The following PRPF6 variants were observed in gnomAD, a reference collection of about 807,000 sequenced individuals.
The protein encoded by PRPF6 is pre-mRNA processing factor 6, also known as pre-mRNA-processing factor 6.
A neutral mutation model predicts 118.3 loss-of-function variants in PRPF6; 42 were observed. That is an observed-to-expected ratio of 0.35 (90% confidence interval 0.28 to 0.46). PRPF6 has a LOEUF of 0.46. PRPF6 is among the 20% of genes least tolerant of loss of function. The pLI is 1.00. For missense variants in PRPF6, 662 were observed against 1,255.7 expected, an observed-to-expected ratio of 0.53 and a Z score of 7.15; for synonymous variants, 481 against 485.1, an observed-to-expected ratio of 0.99 and a Z score of 0.11.
At chr20:64,010,092 G>C in intron 9 of PRPF6, 108 bp from the exon 10 acceptor site, 1 of 957,018 alleles carries the variant, frequency 1.0e-6, no homozygotes, top group Non-Finnish European at 1.7e-6. Flanking sequence ...GTCCCTGACT[G>C]TCAACCAGGG....
At chr20:64,031,336 C>T (rs2059312853) in intron 19 of PRPF6, among the ~76,000 whole-genome samples, 1 of 152,194 alleles carries the variant, frequency 6.6e-6, no homozygotes, top group South Asian at 2.1e-4. Context: ...GTATCTGACC[C>T]TAATTTTACG....
chr20:63,985,073 A>T, intron 3 of PRPF6, 48 bp downstream of exon 3: 2 of 1,546,392 alleles, frequency 1.3e-6, no homozygotes, highest in Non-Finnish European at 1.8e-6. Context: ...GTTTAAAAAA[A>T]AGTTTTGTGG....
At chr20:64,004,535 T>C (rs2059181392) in intron 9 of PRPF6, among the ~76,000 whole-genome samples, 1 of 152,246 alleles carries the variant, frequency 6.6e-6, no homozygotes, top group Non-Finnish European at 1.5e-5. Context: ...TGGCAGTGCA[T>C]GGTCTCTGTG....
chr20:64,018,819 A>G (rs1318043807), intron 12 of PRPF6, among the ~76,000 whole-genome samples: 9 of 152,060 alleles, frequency 5.9e-5, no homozygotes, highest in Non-Finnish European at 1.3e-4. Context: ...TTGGAATTCT[A>G]CAGTAACGAA....
rs79649020 is a variant in PRPF6 at position 63,996,883 on chromosome 20, C to A, written c.771+1401C>A. Among the ~76,000 whole-genome samples, 1,005 of 152,110 alleles carry A rather than the reference C, an allele frequency of 6.6e-3. 5 individuals carry two copies. Among genetic ancestry groups the A allele is most frequent in the Admixed American group, 0.01 (160 of 15,262 alleles). ...GTTTGAGGCTGCCATGAGCTATGAT[C>A]GCGCCTCTGCACACCAGCCTGGGTT... On this transcript the variant is annotated intron_variant, in intron 6 of 20. Coordinates refer to ENST00000266079, the MANE Select transcript of PRPF6 (RefSeq NM_012469.4).
chr20:64,015,799 A>T (rs1418439533), intron 11 of PRPF6, among the ~76,000 whole-genome samples: 1 of 152,184 alleles, frequency 6.6e-6, no homozygotes, highest in East Asian at 1.9e-4. Flanking sequence ...ATACGTGCAC[A>T]ATGGTACTTA....
At chr20:64,031,130 C>T (rs1222223913) in intron 19 of PRPF6, among the ~76,000 whole-genome samples, 2 of 152,220 alleles carry the variant, frequency 1.3e-5, no homozygotes, top group East Asian at 3.9e-4. Flanking sequence ...AATCCAGTGG[C>T]CTGAGGGCTG....
Position 64,032,943 on chromosome 20 carries a change from A to T in PRPF6, c.2776A>T (p.Ile926Phe), listed in dbSNP as rs1352445786. The T allele has an allele frequency of 6.2e-7, 1 of 1,613,290 alleles. No homozygotes were observed. Among genetic ancestry groups the T allele is most frequent in the Admixed American group, 1.7e-5 (1 of 59,992 alleles). The change falls in exon 21 of 21, where the codon ATC becomes TTC. Residue 926 changes from isoleucine (I) to phenylalanine (F), a missense_variant. Physicochemically the swap from Ile to Phe is conservative, Grantham distance 21. Around this residue, in one of 10 missense-constraint regions of PRPF6, gnomAD observed 244 missense variants for 383.7 expected, o/e 0.64. Transcript: ENST00000266079. Reference protein sequence around the residue: ...SKDIANWQKKIGDILRLVAGR... With the variant: ...SKDIANWQKKFGDILRLVAGR... ...GGACATCGCCAACTGGCAGAAGAAG[A>T]TCGGGGACATCCTTAGGCTGGTGGC...
chr20:63,995,934 G>T (rs563253472), intron 6 of PRPF6, among the ~76,000 whole-genome samples: 2 of 152,144 alleles, frequency 1.3e-5, no homozygotes, highest in Non-Finnish European at 2.9e-5. Flanking sequence ...GGGGATTACA[G>T]GTGTGAGCCA....
At chr20:64,003,019 A>T (rs999776423) in intron 9 of PRPF6, among the ~76,000 whole-genome samples, 1 of 150,506 alleles carries the variant, frequency 6.6e-6, no homozygotes, top group South Asian at 2.1e-4. Context: ...ATCTTGGCTC[A>T]CTGCAGCCAC....
At chr20:64,019,535 G>A (rs766766099) in intron 12 of PRPF6, among the ~76,000 whole-genome samples, 5 of 152,120 alleles carry the variant, frequency 3.3e-5, no homozygotes, top group Non-Finnish European at 7.4e-5. Context: ...CGGACACCAG[G>A]GCCCTGGGCA....
chr20:64,020,778 A>G (rs2059258923), intron 12 of PRPF6, among the ~76,000 whole-genome samples: 1 of 142,660 alleles, frequency 7.0e-6, no homozygotes, highest in South Asian at 2.1e-4. Context: ...AATATATACT[A>G]TACCTAATTT....
At chr20:63,990,882 C>A (rs148835242) in intron 3 of PRPF6, among the ~76,000 whole-genome samples, 1 of 151,876 alleles carries the variant, frequency 6.6e-6, no homozygotes, top group Non-Finnish European at 1.5e-5. Context: ...TCTTGAACTC[C>A]TGCCCTTGTG....
intron 9 of PRPF6, among the ~76,000 whole-genome samples, chr20:64,002,014 G>GTTTTTTTTTTTTTTTTTTTTGTT (rs2059168678): frequency 1.2e-5 from 1 of 83,242 alleles, no homozygotes; most frequent in African/African-American, 4.7e-5. Flanking sequence ...TTTTTTTCTG[G>GTTTTTTTTTTTTTTTTTTTTGTT]TTTTTTTTTT....
In PRPF6 at chr20:64,010,037, G is replaced by T. The variant is rs74663275; in HGVS notation, c.1187-163G>T. Among the ~76,000 whole-genome samples the T allele has an allele frequency of 5.3e-5, 8 of 152,278 alleles. No individual in the cohort carries two copies. In the East Asian group the frequency reaches 1.5e-3, roughly 29 times the overall value. ...AGATGCTCCGTTTGTCCTTGTTTGT[G>T]TCTGCCCCAGACCTGAAGGAAGCCA... On this transcript the variant is annotated intron_variant, in intron 9 of 20. Coordinates refer to ENST00000266079, the MANE Select transcript of PRPF6 (RefSeq NM_012469.4).
At chr20:64,018,700 A>C (rs2059250028) in intron 12 of PRPF6, among the ~76,000 whole-genome samples, 2 of 152,054 alleles carry the variant, frequency 1.3e-5, no homozygotes, top group Non-Finnish European at 2.9e-5. Context: ...TCCTGGCCTC[A>C]AGTGATCCCA....
chr20:64,016,906 G>T, intron 12 of PRPF6, 61 bp downstream of exon 12: 4 of 1,604,864 alleles, frequency 2.5e-6, no homozygotes, highest in Middle Eastern at 1.7e-4. Flanking sequence ...GGAACAGCAG[G>T]CACCTTATAA....
intron 12 of PRPF6, among the ~76,000 whole-genome samples, chr20:64,019,008 C>T (rs748507268): frequency 3.3e-5 from 5 of 152,124 alleles, no homozygotes; most frequent in Admixed American, 1.3e-4. Flanking sequence ...CTGGGCCATC[C>T]TCCTGCCCCA....
At chr20:64,019,092 GTTTT>G (rs766307130) in intron 12 of PRPF6, among the ~76,000 whole-genome samples, 4 of 119,108 alleles carry the variant, frequency 3.4e-5, no homozygotes, top group Non-Finnish European at 5.1e-5. Flanking sequence ...TTTGTTGTTG[GTTTT>G]TTTTTTTTTT....
Sources: gnomAD v4.1 joint callset for allele counts (sites outside exome capture counted in the v4.1 genomes callset) on GRCh38, gnomAD v4.1.1 for gene constraint, gnomAD v4.1.1 regional missense constraint, MANE v1.5 for transcripts, NCBI Gene and HGNC (gene_info 2026-07-23, HGNC 2026-07-21) for gene names.